Variants in B3GALT1 observed in about 807,000 individuals in gnomAD.
The protein encoded by B3GALT1 is UDP-Gal:betaGlcNAc beta 1,3-galactosyltransferase, polypeptide 1.
B3GALT1 carries 10 observed loss-of-function variants against 23.2 expected under a neutral mutation model. The ratio of observed to expected loss-of-function variants is 0.43; its 90% confidence interval spans 0.27 to 0.73. B3GALT1 has a LOEUF of 0.73. Among genes scored for constraint, B3GALT1 ranks in the 30% least tolerant of loss-of-function variants. B3GALT1 has a pLI of 0.21. For synonymous variants in B3GALT1, 156 were observed against 141.5 expected (o/e 1.10, Z -0.73); for missense variants, 299 against 405.4 (o/e 0.74, Z 2.25).
At chr2:167,745,675 G>A (rs2390604) in intron 3 of B3GALT1, among the ~76,000 whole-genome samples, 29,481 of 151,052 alleles carry the variant, frequency 0.2, 3,515 homozygotes, top group Admixed American at 0.29. Context: ...TTAGCTGTTC[G>A]GTTTTTTTCT....
chr2:167,454,196 A>AGTGTGTGTGTGT (rs35747652), intron 1 of B3GALT1, among the ~76,000 whole-genome samples: 2 of 151,938 alleles, frequency 1.3e-5, no homozygotes, highest in African/African-American at 4.8e-5. Flanking sequence ...ATAACAGGAA[A>AGTGTGTGTGTGT]GTGTGTGTGT....
intron 3 of B3GALT1, among the ~76,000 whole-genome samples, chr2:167,655,962 A>G (rs572815592): frequency 6.6e-6 from 1 of 152,226 alleles, no homozygotes; most frequent in African/African-American, 2.4e-5. Flanking sequence ...AAATGTATTC[A>G]ATTTAGAAAG....
chr2:167,457,314 A>G (rs567429467), intron 1 of B3GALT1, among the ~76,000 whole-genome samples: 2 of 152,098 alleles, frequency 1.3e-5, no homozygotes, highest in African/African-American at 4.8e-5. Context: ...CTGGGACTAC[A>G]GGTGCACACT....
At chr2:167,614,367 A>G (rs1685120750) in intron 2 of B3GALT1, among the ~76,000 whole-genome samples, 1 of 151,816 alleles carries the variant, frequency 6.6e-6, no homozygotes, top group African/African-American at 2.4e-5. Flanking sequence ...TTTGTAAAAA[A>G]AAAAACTACA....
At chr2:167,507,743 C>A (rs943692270) in intron 2 of B3GALT1, among the ~76,000 whole-genome samples, 5 of 151,912 alleles carry the variant, frequency 3.3e-5, no homozygotes, top group African/African-American at 1.2e-4. Context: ...GGTAATTGAA[C>A]ATTTACCTTA....
intron 3 of B3GALT1, among the ~76,000 whole-genome samples, chr2:167,761,459 T>C (rs1394251702): frequency 6.6e-6 from 1 of 152,196 alleles, no homozygotes; most frequent in African/African-American, 2.4e-5. Flanking sequence ...TCTCTATGTA[T>C]GTGTGTATGT....
intron 4 of B3GALT1, among the ~76,000 whole-genome samples, chr2:167,821,861 G>C (rs1689114423): frequency 7.2e-5 from 11 of 152,216 alleles, no homozygotes; most frequent in Admixed American, 7.2e-4. Context: ...TTCTTGTACA[G>C]TTCTTAAAGT....
chr2:167,807,868 C>CT (rs1308918588), intron 3 of B3GALT1, among the ~76,000 whole-genome samples: 1 of 152,100 alleles, frequency 6.6e-6, no homozygotes, highest in Non-Finnish European at 1.5e-5. Context: ...CCTGGATATC[C>CT]TTGTTAACTT....
chr2:167,872,096 G>T lies in B3GALT1; in HGVS notation c.*2076G>T, dbSNP rs959127845. On this transcript the variant is annotated 3_prime_UTR_variant, in exon 5 of 5. Transcript: ENST00000392690. ...TTTTTGTATTTTTAGTAGAGACGGG[G>T]TTTCACCGTGTTAGCCAGGATGGTC... The T allele has an allele frequency of 6.6e-6, 1 of 151,166 alleles. No homozygotes were observed. The highest frequency in any genetic ancestry group is 2.4e-5 in the African/African-American group (1 of 41,162). The allele number at this position is 151,166 out of a possible 1,614,324, so 9.4% of individuals were successfully genotyped here.
intron 1 of B3GALT1, among the ~76,000 whole-genome samples, chr2:167,368,548 G>A (rs1697627433): frequency 6.6e-6 from 1 of 152,124 alleles, no homozygotes; most frequent in Non-Finnish European, 1.5e-5. Flanking sequence ...AAGTAAAATA[G>A]CATTTTCAGC....
At chr2:167,327,012 G>A (rs1045722202) in intron 1 of B3GALT1, among the ~76,000 whole-genome samples, 1 of 152,056 alleles carries the variant, frequency 6.6e-6, no homozygotes, top group Non-Finnish European at 1.5e-5. Context: ...ATTGAAGAGG[G>A]TGTCCTTTCC....
At chr2:167,500,398 T>A (rs1388955492) in intron 2 of B3GALT1, among the ~76,000 whole-genome samples, 2 of 152,176 alleles carry the variant, frequency 1.3e-5, no homozygotes, top group East Asian at 3.9e-4. Flanking sequence ...CAGTTTTATA[T>A]CACCACTTTA....
intron 1 of B3GALT1, among the ~76,000 whole-genome samples, chr2:167,395,637 A>G (rs1698081585): frequency 6.6e-6 from 1 of 152,144 alleles, no homozygotes. Flanking sequence ...AGTGTGGGTA[A>G]CATTTCAAGC....
At chr2:167,793,647 C>A (rs1688486287) in intron 3 of B3GALT1, among the ~76,000 whole-genome samples, 1 of 152,120 alleles carries the variant, frequency 6.6e-6, no homozygotes, top group South Asian at 2.1e-4. Flanking sequence ...ATATAAATAA[C>A]CCACATGATC....
At chr2:167,696,000 A>T (rs1005933627) in intron 3 of B3GALT1, among the ~76,000 whole-genome samples, 2 of 152,140 alleles carry the variant, frequency 1.3e-5, no homozygotes, top group Non-Finnish European at 2.9e-5. Context: ...ACTGGCTAGA[A>T]TGCAAGCACA....
chr2:167,543,794 G>T (rs73026020), intron 2 of B3GALT1, among the ~76,000 whole-genome samples: 23,001 of 152,186 alleles, frequency 0.15, 2,872 homozygotes, highest in African/African-American at 0.34. Context: ...ATTCCTTCTT[G>T]AGGGACTTGG....
chr2:167,629,706 C>T (rs888867306), intron 2 of B3GALT1, among the ~76,000 whole-genome samples: 30 of 151,742 alleles, frequency 2.0e-4, no homozygotes, highest in Admixed American at 1.1e-3. Flanking sequence ...TTCCCTAAGA[C>T]GCATTAGAAT....
intron 1 of B3GALT1, among the ~76,000 whole-genome samples, chr2:167,309,074 T>C (rs1041820598): frequency 2.0e-5 from 3 of 152,038 alleles, no homozygotes; most frequent in Non-Finnish European, 4.4e-5. Flanking sequence ...TCTTTTCTGT[T>C]TGTTAAAAAA....
At chr2:167,538,427 C>T (rs1016169774) in intron 2 of B3GALT1, among the ~76,000 whole-genome samples, 1 of 151,794 alleles carries the variant, frequency 6.6e-6, no homozygotes, top group African/African-American at 2.4e-5. Flanking sequence ...TTTTAAAGTC[C>T]TGAGAATAGT....
Sources: gnomAD v4.1 joint callset for allele counts (sites outside exome capture counted in the v4.1 genomes callset) on GRCh38, gnomAD v4.1.1 for gene constraint, MANE v1.5 for transcripts, NCBI Gene and HGNC (gene_info 2026-07-23, HGNC 2026-07-21) for gene names.